The following COXFA4 variants were observed in gnomAD, a reference collection of about 807,000 sequenced individuals.
COXFA4 encodes cytochrome c oxidase subunit FA4.
At chr7:10,939,998 G>C in the COXFA4 span, 5 of 1,613,720 alleles carry the variant, frequency 3.1e-6, no homozygotes, top group South Asian at 1.1e-5. Context: ...AACATTAGGA[G>C]AGCGGTCACG....
chr7:10,933,985 T>C, the COXFA4 span, among the ~76,000 whole-genome samples: 1 of 152,158 alleles, frequency 6.6e-6, no homozygotes, highest in East Asian at 1.9e-4. Context: ...AAGTGAATAA[T>C]TAAGAATTCC....
chr7:10,932,519 C>T, the COXFA4 span: 3 of 152,298 alleles, frequency 2.0e-5, no homozygotes, highest in South Asian at 4.1e-4. Flanking sequence ...GCTTCTACTA[C>T]CCTGTAAACA....
the COXFA4 span, chr7:10,939,292 G>A: frequency 2.1e-4 from 46 of 219,396 alleles, no homozygotes; most frequent in East Asian, 4.5e-3. Flanking sequence ...ATTATTTAAG[G>A]GTGCCTCTAT....
At chr7:10,940,034 C>G in the COXFA4 span, 1 of 1,613,916 alleles carries the variant, frequency 6.2e-7, no homozygotes, top group Non-Finnish European at 8.5e-7. Flanking sequence ...GCTTCTTGGC[C>G]TGACCGATGA....
At chr7:10,938,171 C>G in the COXFA4 span, 1 of 1,597,404 alleles carries the variant, frequency 6.3e-7, no homozygotes, top group Admixed American at 1.7e-5. Flanking sequence ...AACATTACGA[C>G]TGTTATAATA....
the COXFA4 span, among the ~76,000 whole-genome samples, chr7:10,934,801 C>T: frequency 6.6e-6 from 1 of 152,132 alleles, no homozygotes; most frequent in African/African-American, 2.4e-5. Context: ...CAGATACAGA[C>T]TTTTATGGAC....
chr7:10,938,406 A>G, the COXFA4 span: 1 of 489,226 alleles, frequency 2.0e-6, no homozygotes, highest in Admixed American at 3.6e-5. Flanking sequence ...TTAATTAATA[A>G]AGTGATATAC....
At chr7:10,933,869 T>C in the COXFA4 span, among the ~76,000 whole-genome samples, 2 of 152,178 alleles carry the variant, frequency 1.3e-5, no homozygotes, top group Non-Finnish European at 2.9e-5. Context: ...AATTCCAGCC[T>C]TCAATGATAG....
the COXFA4 span, chr7:10,938,753 G>A: frequency 7.9e-7 from 1 of 1,258,438 alleles, no homozygotes; most frequent in Non-Finnish European, 1.2e-6. Flanking sequence ...AGAGACTGTG[G>A]CTCCTAAACT....
chr7:10,939,209 A>G, the COXFA4 span: 1 of 291,964 alleles, frequency 3.4e-6, no homozygotes, highest in Non-Finnish European at 6.6e-6. Flanking sequence ...CACCTCTCTA[A>G]TATTTACATG....
chr7:10,937,462 T>C, the COXFA4 span, among the ~76,000 whole-genome samples: 1 of 152,020 alleles, frequency 6.6e-6, no homozygotes, highest in Non-Finnish European at 1.5e-5. Flanking sequence ...TTTGTATTTT[T>C]AGTAGAGATG....
the COXFA4 span, among the ~76,000 whole-genome samples, chr7:10,935,405 G>C: frequency 1.3e-5 from 2 of 152,094 alleles, no homozygotes; most frequent in Admixed American, 6.5e-5. Flanking sequence ...AGTATTGCTG[G>C]GCCTTTAATG....
chr7:10,934,443 C>T, the COXFA4 span, among the ~76,000 whole-genome samples: 1 of 150,060 alleles, frequency 6.7e-6, no homozygotes, highest in African/African-American at 2.5e-5. Context: ...GAAACTGGTC[C>T]AGAGTTTCTA....
chr7:10,939,271 A>G, the COXFA4 span: 1 of 215,876 alleles, frequency 4.6e-6, no homozygotes, highest in South Asian at 6.8e-5. Flanking sequence ...TGAAAAACAA[A>G]TTCTTTGCAA....
the COXFA4 span, among the ~76,000 whole-genome samples, chr7:10,935,398 A>C: frequency 1.3e-5 from 2 of 152,202 alleles, no homozygotes; most frequent in African/African-American, 4.8e-5. Context: ...GTTGAGAAGT[A>C]TTGCTGGGCC....
chr7:10,938,571 A>T, the COXFA4 span: 1 of 471,258 alleles, frequency 2.1e-6, no homozygotes, highest in Non-Finnish European at 3.8e-6. Flanking sequence ...TCAAAACATT[A>T]CAAGATTTGG....
chr7:10,938,786 T>G, the COXFA4 span: 1 of 1,593,500 alleles, frequency 6.3e-7, no homozygotes, highest in Non-Finnish European at 8.6e-7. Context: ...TATCAAAGTT[T>G]TAAACATTTT....
At chr7:10,938,842 G>A in the COXFA4 span, 5 of 1,613,758 alleles carry the variant, frequency 3.1e-6, no homozygotes, top group Non-Finnish European at 4.2e-6. Context: ...AGACGCAAGA[G>A]ATACAGTGTT....
At chr7:10,939,487 T>C in the COXFA4 span, 1 of 176,854 alleles carries the variant, frequency 5.7e-6, no homozygotes, top group African/African-American at 2.4e-5. Flanking sequence ...TGAGGAAAAA[T>C]GAGATGCCAA....
Sources: allele counts gnomAD v4.1 joint callset (sites outside exome capture counted in the v4.1 genomes callset), GRCh38; gene constraint gnomAD v4.1.1; transcripts MANE v1.5; gene names NCBI Gene and HGNC (gene_info 2026-07-23, HGNC 2026-07-21).